Variants in BUB3 observed in about 807,000 individuals in gnomAD.
BUB3 encodes mitotic checkpoint protein BUB3.
A neutral mutation model predicts 39.9 loss-of-function variants in BUB3; 22 were observed. The observed-to-expected ratio is 0.55, with a 90% CI of 0.39 to 0.79. The LOEUF (loss-of-function observed/expected upper bound fraction) is 0.79. BUB3 is among the 30% of genes least tolerant of loss of function. The probability of loss-of-function intolerance (pLI) is 0.00; values close to 1 mark genes in which losing one functional copy is unlikely to be tolerated. For missense variants in BUB3, 303 were observed against 415.4 expected (o/e 0.73, Z 2.35); for synonymous variants, 168 against 155.1 (o/e 1.08, Z -0.62).
intron 7 of BUB3, 62 bp downstream of exon 7, chr10:123,162,890 T>G: frequency 6.7e-7 from 1 of 1,500,406 alleles, no homozygotes; most frequent in Non-Finnish European, 9.2e-7. Flanking sequence ...TTATTAATTT[T>G]TCTAAATTCA....
Position 123,155,597 on chromosome 10 carries a change from T to G in BUB3, c.196-61T>G, listed in dbSNP as rs554378614. Reference sequence around the variant, plus strand: ...TAAACTGAACACTTGCTTGTAGAAATAAGAATGTTGAAACCCTTTCAAAAG... The same window carrying G: ...TAAACTGAACACTTGCTTGTAGAAAGAAGAATGTTGAAACCCTTTCAAAAG... On this transcript the variant is annotated intron_variant, in intron 2 of 7. Transcript: ENST00000368865. The G allele has an allele frequency of 2.0e-6, 3 of 1,470,562 alleles. No homozygotes were observed. In the African/African-American group the frequency reaches 4.2e-5, roughly 20 times the overall value. 91.1% of individuals were successfully genotyped at this position (1,470,562 alleles called of 1,614,324 possible).
At position 123,165,110 on chromosome 10, in the gene BUB3, A is replaced by G; in HGVS notation, c.*1275A>G. 1 of 1,560,092 alleles carries G rather than the reference A, an allele frequency of 6.4e-7. No individual in the cohort carries two copies. ...AAAGCTTTGTTTGCTTCCTACAAAT[A>G]CATGCTTATTCCTTAAGGGATGTGT... On this transcript the variant is annotated 3_prime_UTR_variant, in exon 8 of 8. Coordinates refer to ENST00000368865, the MANE Select transcript of BUB3 (RefSeq NM_004725.4).
At chr10:123,156,832 C>T (rs528449785) in intron 3 of BUB3, among the ~76,000 whole-genome samples, 46 of 149,802 alleles carry the variant, frequency 3.1e-4, no homozygotes, top group Admixed American at 4.7e-4. Context: ...CCACAGCCTC[C>T]GCCACCCGCA....
At chr10:123,158,963 C>T (rs1476413918) in intron 4 of BUB3, among the ~76,000 whole-genome samples, 1 of 152,010 alleles carries the variant, frequency 6.6e-6, no homozygotes, top group Non-Finnish European at 1.5e-5. Flanking sequence ...TTGTGTGTCA[C>T]CTATATAGTA....
intron 7 of BUB3, 51 bp from the exon 8 acceptor site, chr10:123,163,769 T>C: frequency 6.6e-7 from 1 of 1,519,434 alleles, no homozygotes; most frequent in Non-Finnish European, 9.1e-7. Context: ...TCTCCTGTCC[T>C]GGCTGGCCAT....
intron 5 of BUB3, among the ~76,000 whole-genome samples, chr10:123,161,309 T>A (rs1270517106): frequency 6.6e-6 from 1 of 152,220 alleles, no homozygotes; most frequent in African/African-American, 2.4e-5. Context: ...TTGAAGCAGG[T>A]ATGTTATTCT....
rs886626371 is a variant in BUB3, at chr10:123,164,169, C to T, written c.*334C>T. The stretch of plus-strand genomic sequence containing the variant: ...TTTGTAAATAAGTGTAATAAAAATC[C>T]CTTTGCATTCTTTCTGGACCTTAAA... On this transcript the variant is annotated 3_prime_UTR_variant, in exon 8 of 8. Coordinates refer to ENST00000368865, the MANE Select transcript of BUB3 (RefSeq NM_004725.4). 1.9e-6 allele frequency: 2 copies of T among 1,029,014 alleles called. No homozygotes were observed. The highest frequency in any genetic ancestry group is 1.7e-5 in the African/African-American group (1 of 58,774). The allele number at this position is 1,029,014 out of a possible 1,614,324, so 63.7% of individuals were successfully genotyped here.
rs1844473942 is a variant in BUB3 at position 123,165,174 on chromosome 10, G to A, written c.*1339G>A. Reference sequence around the variant, plus strand: ...GATTTCTCTGTTTTCTGTCTTACAAGAAACTTGTCTATGTACCTTAATACT... The same window carrying A: ...GATTTCTCTGTTTTCTGTCTTACAAAAAACTTGTCTATGTACCTTAATACT... On this transcript the variant is annotated 3_prime_UTR_variant, in exon 8 of 8. Coordinates refer to ENST00000368865, the MANE Select transcript of BUB3 (RefSeq NM_004725.4). 1.6e-6 allele frequency: 2 copies of A among 1,255,818 alleles called. No homozygotes were observed. Among genetic ancestry groups the A allele is most frequent in the Non-Finnish European group, 2.3e-6 (2 of 870,778 alleles). The allele number at this position is 1,255,818 out of a possible 1,614,324, so 77.8% of individuals were successfully genotyped here. A position where few individuals can be genotyped will look rare whatever the true frequency, so the allele number is the denominator to read the frequency against.
chr10:123,159,502 A>G (rs1232241361), intron 4 of BUB3, among the ~76,000 whole-genome samples: 2 of 152,260 alleles, frequency 1.3e-5, no homozygotes, highest in African/African-American at 4.8e-5. Flanking sequence ...GTGACTGAAC[A>G]TGATCAGGAG....
intron 3 of BUB3, among the ~76,000 whole-genome samples, chr10:123,156,764 T>TTTTTTTTTTTTTTTTTTTTTTTTATA (rs1292863652): frequency 6.6e-6 from 1 of 151,652 alleles, no homozygotes; most frequent in Admixed American, 6.6e-5. Flanking sequence ...TTTTTTTTTT[T>TTTTTTTTTTTTTTTTTTTTTTTTATA]GAGCTAGAGT....
Position 123,164,975 on chromosome 10 carries a change from T to A in BUB3, c.*1140T>A. 2 of 1,556,802 alleles carry A rather than the reference T, an allele frequency of 1.3e-6. No individual in the cohort carries two copies. The highest frequency in any genetic ancestry group is 8.6e-7 in the Non-Finnish European group (1 of 1,157,056). Reference sequence around the variant, plus strand: ...TTTGATACAGAGAAGGGTCTTTTTTTTTTTAAGTATTTCAGTGAAAACTTG... The same window carrying A: ...TTTGATACAGAGAAGGGTCTTTTTTATTTTAAGTATTTCAGTGAAAACTTG... On this transcript the variant is annotated 3_prime_UTR_variant, in exon 8 of 8. Transcript: ENST00000368865.
intron 7 of BUB3, 46 bp downstream of exon 7, chr10:123,162,874 C>T (rs1301006660): frequency 6.5e-7 from 1 of 1,546,214 alleles, no homozygotes; most frequent in Non-Finnish European, 8.9e-7. Context: ...GCATTCAACC[C>T]AGGATTTATT....
rs990369029 is a variant in BUB3 at position 123,168,869 on chromosome 10, A to AAAAAAAAAT, written c.*5035_*5036insAAAAAAATA. The AAAAAAAAAT allele has an allele frequency of 2.6e-5, 4 of 151,010 alleles. No individual in the cohort carries two copies. The highest frequency in any genetic ancestry group is 4.9e-5 in the African/African-American group (2 of 41,056). 9.4% of individuals were successfully genotyped at this position (151,010 alleles called of 1,614,324 possible). ...ACCCAGCTGTGACTTTTTTTTTTTT[A>AAAAAAAAAT]AGCTCATCAGCTATTGTATTAGTGT... is the stretch of plus-strand genomic sequence containing the variant. On this transcript the variant is annotated 3_prime_UTR_variant, in exon 8 of 8. Transcript: ENST00000368865.
rs898150775 is a variant in BUB3 at position 123,162,732 on chromosome 10, C to A, written c.875C>A (p.Ala292Glu). ...TTCAGTAATGATGGGACTACGCTTGCAATAGCGTCATCATATATGTATGAA... is the reference window on the plus strand; with the variant it reads ...TTCAGTAATGATGGGACTACGCTTGAAATAGCGTCATCATATATGTATGAA... ...LAFSNDGTTL[A>E]IASSYMYEMD... Residue 292 changes from alanine (A) to glutamate (E), a missense_variant, in exon 7 of 8, where the codon GCA (alanine) becomes GAA (glutamate). Physicochemically the swap from Ala to Glu is moderately radical, Grantham distance 107 (BLOSUM62 -1). Around this residue, in one of 2 missense-constraint regions of BUB3, gnomAD observed 182 missense variants for 293.1 expected, o/e 0.62. Coordinates refer to ENST00000368865, the MANE Select transcript of BUB3 (RefSeq NM_004725.4). The A allele has an allele frequency of 1.2e-6, 2 of 1,613,758 alleles. No homozygotes were observed. Among genetic ancestry groups the A allele is most frequent in the Non-Finnish European group, 1.7e-6 (2 of 1,179,866 alleles).
At chr10:123,161,211 G>C (rs1430086673) in intron 5 of BUB3, among the ~76,000 whole-genome samples, 1 of 152,144 alleles carries the variant, frequency 6.6e-6, no homozygotes, top group Non-Finnish European at 1.5e-5. Flanking sequence ...GTGTGGTCAG[G>C]TGCAATAGGA....
intron 1 of BUB3, 189 bp from the exon 2 acceptor site, chr10:123,154,729 C>A (rs1322153662): frequency 3.3e-6 from 2 of 611,734 alleles, no homozygotes; most frequent in East Asian, 3.2e-5. Flanking sequence ...CCGGTTTGGG[C>A]GCGGCGGGGG....
At position 123,154,403 on chromosome 10, in the gene BUB3, AGT is replaced by A. The variant is rs1844316274; in HGVS notation, c.-80_-79del. The A allele has an allele frequency of 6.5e-6, 1 of 153,632 alleles. No individual in the cohort carries two copies. Among genetic ancestry groups the A allele is most frequent in the Non-Finnish European group, 1.4e-5 (1 of 69,002 alleles). The allele number at this position is 153,632 out of a possible 1,614,324, so 9.5% of individuals were successfully genotyped here. ...CTCCGCCTCCTTCGCCTAGCCTGCG[AGT>A]GTTCTGAGGGAAGCAAGGAGGCGGC... On this transcript the variant is annotated 5_prime_UTR_variant, in exon 1 of 8. Coordinates refer to ENST00000368865, the MANE Select transcript of BUB3 (RefSeq NM_004725.4).
Position 123,165,105 on chromosome 10 carries a change from C to G in BUB3, c.*1270C>G. On this transcript the variant is annotated 3_prime_UTR_variant, in exon 8 of 8. Coordinates refer to ENST00000368865, the MANE Select transcript of BUB3 (RefSeq NM_004725.4). ...TATGGAAAGCTTTGTTTGCTTCCTA[C>G]AAATACATGCTTATTCCTTAAGGGA... The G allele has an allele frequency of 6.4e-7, 1 of 1,565,196 alleles. No homozygotes were observed. The highest frequency in any genetic ancestry group is 1.1e-5 in the South Asian group (1 of 89,970).
chr10:123,157,973 G>A (rs1174022001), intron 4 of BUB3, 93 bp downstream of exon 4: 6 of 1,330,976 alleles, frequency 4.5e-6, no homozygotes, highest in Non-Finnish European at 6.0e-6. Flanking sequence ...GAATTTAAAG[G>A]TGAAAAGTCA....
Sources: gnomAD v4.1 joint callset for allele counts (sites outside exome capture counted in the v4.1 genomes callset) on GRCh38, gnomAD v4.1.1 for gene constraint, gnomAD v4.1.1 regional missense constraint, MANE v1.5 for transcripts, NCBI Gene and HGNC (gene_info 2026-07-23, HGNC 2026-07-21) for gene names.